SVOPL: variants seen among roughly 807,000 people sequenced by gnomAD.
SVOPL encodes putative transporter SVOPL.
A neutral mutation model predicts 61.0 loss-of-function variants in SVOPL; 60 were observed. The ratio of observed to expected loss-of-function variants is 0.98; its 90% confidence interval spans 0.80 to 1.22. The LOEUF is 1.22. Ranked by LOEUF, SVOPL falls within the 50% of genes most tolerant of loss-of-function variation. The pLI is 0.00. For missense variants in SVOPL, 662 were observed against 643.9 expected, an observed-to-expected ratio of 1.03 and a Z score of -0.30; for synonymous variants, 279 against 250.0, an observed-to-expected ratio of 1.12 and a Z score of -1.09.
intron 13 of SVOPL, among the ~76,000 whole-genome samples, chr7:138,621,894 CTATCTATCTATG>C (rs1799600459): frequency 4.6e-5 from 2 of 43,446 alleles, no homozygotes; most frequent in Non-Finnish European, 5.2e-5. Context: ...ATCTATCTAT[CTATCTATCTATG>C]TATCTATCTA....
At chr7:138,605,305 T>G (rs1400416161) in intron 14 of SVOPL, among the ~76,000 whole-genome samples, 1 of 152,024 alleles carries the variant, frequency 6.6e-6, no homozygotes, top group Non-Finnish European at 1.5e-5. Flanking sequence ...CAGGTAGCTC[T>G]TTCAAATCTC....
chr7:138,611,861 G>C (rs1421059865), intron 14 of SVOPL, among the ~76,000 whole-genome samples: 73 of 75,156 alleles, frequency 9.7e-4, no homozygotes, highest in South Asian at 2.4e-3. Flanking sequence ...CGAGATTGCA[G>C]CCTCTGCCCG....
chr7:138,613,291 A>G (rs1178200160), intron 14 of SVOPL, among the ~76,000 whole-genome samples: 1 of 152,180 alleles, frequency 6.6e-6, no homozygotes, highest in African/African-American at 2.4e-5. Flanking sequence ...AAGTGCTGAG[A>G]TTACAGGCAT....
At chr7:138,611,848 T>C (rs1179290850) in intron 14 of SVOPL, among the ~76,000 whole-genome samples, 13 of 68,190 alleles carry the variant, frequency 1.9e-4, no homozygotes, top group Admixed American at 9.4e-4. Context: ...CCTCCCAAAG[T>C]GCCGAGATTG....
chr7:138,605,640 CAAAAA>C (rs1159063438), intron 14 of SVOPL, among the ~76,000 whole-genome samples: 1 of 84,280 alleles, frequency 1.2e-5, no homozygotes, highest in Non-Finnish European at 2.3e-5. Context: ...CTAACCTGGG[CAAAAA>C]AAAAAAAAAA....
At chr7:138,657,243 ACTC>A (rs1801791703) in intron 6 of SVOPL, among the ~76,000 whole-genome samples, 1 of 151,490 alleles carries the variant, frequency 6.6e-6, no homozygotes, top group Non-Finnish European at 1.5e-5. Flanking sequence ...GCAGCCTCAA[ACTC>A]CTGGGCTCAA....
rs557253890 is a variant in SVOPL, at chr7:138,611,680, G to GT, written c.1353+9365dup. ...TTTCGGCTGTAACCATTAAATTAGG[G>GT]TTTTTTTGTGACCCTTGAAAGATAA... is the stretch of plus-strand genomic sequence containing the variant. On this transcript the variant is annotated intron_variant, in intron 14 of 15. Transcript: ENST00000674285. Among the ~76,000 whole-genome samples, 12 of 151,454 alleles carry GT rather than the reference G, an allele frequency of 7.9e-5. No homozygotes were observed. In the East Asian group the frequency reaches 1.6e-3, roughly 20 times the overall value.
chr7:138,662,879 C>T (rs1292191261), intron 5 of SVOPL, 195 bp downstream of exon 5: 2 of 1,428,884 alleles, frequency 1.4e-6, no homozygotes, highest in Non-Finnish European at 9.1e-7. Flanking sequence ...TGCAGAGGAA[C>T]AGCTGCAGGC....
chr7:138,660,413 G>T, intron 5 of SVOPL: 1 of 985,238 alleles, frequency 1.0e-6, no homozygotes, highest in Non-Finnish European at 1.2e-6. Context: ...GAAGAAAAAA[G>T]AAAATTAAGA....
intron 5 of SVOPL, chr7:138,662,745 C>T: frequency 5.3e-6 from 6 of 1,123,228 alleles, no homozygotes; most frequent in Non-Finnish European, 6.6e-6. Flanking sequence ...ATGACTGCTT[C>T]TAAGTCCCAA....
intron 4 of SVOPL, chr7:138,664,186 C>T (rs1052421447): frequency 2.8e-5 from 9 of 323,866 alleles, no homozygotes; most frequent in South Asian, 1.3e-4. Context: ...CCCTACCCTG[C>T]CCTCCCCCTC....
At chr7:138,611,282 G>T (rs1276081285) in intron 14 of SVOPL, among the ~76,000 whole-genome samples, 2 of 152,152 alleles carry the variant, frequency 1.3e-5, no homozygotes, top group African/African-American at 4.8e-5. Flanking sequence ...GGACGCTGAG[G>T]CATGAGAATT....
intron 6 of SVOPL, among the ~76,000 whole-genome samples, chr7:138,659,432 C>T (rs1394746079): frequency 2.0e-5 from 3 of 150,870 alleles, no homozygotes; most frequent in Non-Finnish European, 4.4e-5. Context: ...GCGGAGGTTG[C>T]AGTGAACTGA....
At chr7:138,661,121 A>G in intron 5 of SVOPL, 4 of 985,408 alleles carry the variant, frequency 4.1e-6, no homozygotes, top group Non-Finnish European at 4.8e-6. Flanking sequence ...CATACAGCCA[A>G]TTCTACTAAT....
intron 7 of SVOPL, among the ~76,000 whole-genome samples, chr7:138,650,031 C>T (rs1801341582): frequency 6.6e-6 from 1 of 152,064 alleles, no homozygotes; most frequent in African/African-American, 2.4e-5. Flanking sequence ...AGTGTTTCAC[C>T]GTGTTGGTCA....
intron 14 of SVOPL, among the ~76,000 whole-genome samples, chr7:138,612,546 C>T (rs1249549072): frequency 7.0e-6 from 1 of 143,078 alleles, no homozygotes; most frequent in African/African-American, 2.6e-5. Context: ...GAGAAAGTCT[C>T]GCTCTATCGC....
rs1659808 is a variant in SVOPL at position 138,630,035 on chromosome 7, C to A, written c.863+14G>T. The A allele has an allele frequency of 0.11, 176,114 of 1,607,532 alleles. 13,767 individuals are homozygous for A. Among genetic ancestry groups the A allele is most frequent in the East Asian group, 0.36 (16,301 of 44,766 alleles). The stretch of plus-strand genomic sequence containing the variant: ...CTCTATTTAAAACTAGCTTTGAAAT[C>A]ATTACACTCTTACCATATGACCCAG... On this transcript the variant is annotated intron_variant, in intron 10 of 15. Transcript: ENST00000674285.
intron 11 of SVOPL, among the ~76,000 whole-genome samples, chr7:138,627,723 G>A (rs547066384): frequency 6.6e-6 from 1 of 152,226 alleles, no homozygotes; most frequent in South Asian, 2.1e-4. Context: ...ATTGCCAGTT[G>A]CTAGGCCTGT....
At chr7:138,640,344 G>T (rs1238433458) in intron 9 of SVOPL, among the ~76,000 whole-genome samples, 2 of 151,786 alleles carry the variant, frequency 1.3e-5, no homozygotes, top group East Asian at 3.9e-4. Context: ...CATTTCTACT[G>T]CCTCAGCCTC....
Sources: allele counts gnomAD v4.1 joint callset (sites outside exome capture counted in the v4.1 genomes callset), GRCh38; gene constraint gnomAD v4.1.1; transcripts MANE v1.5; gene names NCBI Gene and HGNC (gene_info 2026-07-23, HGNC 2026-07-21).